The following LTBP3 variants were observed in gnomAD, a reference collection of about 807,000 sequenced individuals.
LTBP3 encodes latent transforming growth factor beta binding protein 3.
In LTBP3, 97 loss-of-function variants were observed where a neutral mutation model predicts 159.7. The ratio of observed to expected loss-of-function variants is 0.61; its 90% CI spans 0.52 to 0.72. The LOEUF (loss-of-function observed/expected upper bound fraction) is 0.72. LTBP3 is among the 30% of genes least tolerant of loss of function. LTBP3 has a pLI of 0.00. For missense variants in LTBP3, 1,584 were observed against 1,864.3 expected (o/e 0.85, Z 2.77); for synonymous variants, 824 against 777.1 (o/e 1.06, Z -1.00).
In LTBP3 at chr11:65,542,976, AGATG is replaced by A. The variant is rs1276688725; in HGVS notation, c.2596+125_2596+128del. On this transcript the variant is annotated intron_variant, in intron 18 of 27. Coordinates refer to ENST00000301873, the MANE Select transcript of LTBP3 (RefSeq NM_001130144.3). ...TGGATGGATGGATGGATGGATGGAT[AGATG>A]GATGGATGGATGGATGAAGGATGGT... 5.5e-4 allele frequency: 521 copies of A among 943,200 alleles called. 2 individuals are homozygous for A. The African/African-American group carries it at 0.014, about 26-fold the overall frequency. The allele number at this position is 943,200 out of a possible 1,614,324, so 58.4% of individuals were successfully genotyped here.
rs983821625 is a variant in LTBP3 at position 65,539,947 on chromosome 11, C to A, written c.3385+66G>T. The A allele has an allele frequency of 3.6e-5, 52 of 1,463,232 alleles. No homozygotes were observed. The African/African-American group carries it at 7.0e-4, about 20-fold the overall frequency. 90.6% of individuals were successfully genotyped at this position (1,463,232 alleles called of 1,614,324 possible). On this transcript the variant is annotated intron_variant, in intron 24 of 27. Transcript: ENST00000301873. ...GGAACCGCCCGCCTCCGCCCCACCC[C>A]ACCTGCGCGGGGGCCACGTGACGGA...
At chr11:65,545,956 CCT>C (rs754418765) in intron 16 of LTBP3, among the ~76,000 whole-genome samples, 25 of 152,226 alleles carry the variant, frequency 1.6e-4, no homozygotes, top group Middle Eastern at 3.4e-3. Flanking sequence ...CCATGCTGTT[CCT>C]CTCCTCCTTT....
At chr11:65,541,557 G>C (rs781255060) in intron 19 of LTBP3, 43 bp downstream of exon 19, 1 of 1,613,642 alleles carries the variant, frequency 6.2e-7, no homozygotes, top group Non-Finnish European at 8.5e-7. Context: ...CTGCAGCTCA[G>C]GGGAGTTGTC....
intron 24 of LTBP3, 64 bp downstream of exon 24, chr11:65,539,949 C>A: frequency 1.4e-6 from 2 of 1,461,866 alleles, no homozygotes; most frequent in South Asian, 1.4e-5. Flanking sequence ...CCCCACCCCA[C>A]CTGCGCGGGG....
intron 1 of LTBP3, among the ~76,000 whole-genome samples, chr11:65,556,287 G>A (rs1565103081): frequency 6.6e-6 from 1 of 152,178 alleles, no homozygotes; most frequent in Non-Finnish European, 1.5e-5. Context: ...CAGCACTTTG[G>A]GAGGCCGAGG....
chr11:65,545,570 G>A, intron 16 of LTBP3: 1 of 230,764 alleles, frequency 4.3e-6, no homozygotes, highest in Non-Finnish European at 8.6e-6. Context: ...TTGACATCCA[G>A]TTAAAAAACC....
Position 65,547,010 on chromosome 11 carries a change from C to T in LTBP3, c.2108-90G>A. The stretch of plus-strand genomic sequence containing the variant: ...TCCACAGCAGGGACTTCCTCCCACA[C>T]AGATCAACGAGGCTCCCGGACCCCA... On this transcript the variant is annotated intron_variant, in intron 14 of 27. Coordinates refer to ENST00000301873, the MANE Select transcript of LTBP3 (RefSeq NM_001130144.3). The surrounding 1 kb of genome is among the most constrained non-coding windows in gnomAD (Gnocchi z 4.6). 6.3e-7 allele frequency: 1 copy of T among 1,575,204 alleles called. No individual in the cohort carries two copies. Among genetic ancestry groups the T allele is most frequent in the Non-Finnish European group, 8.6e-7 (1 of 1,159,212 alleles).
Position 65,546,503 on chromosome 11 carries a change from G to A in LTBP3, c.2292C>T (p.Gly764=). 6.3e-7 allele frequency: 1 copy of A among 1,599,182 alleles called. No homozygotes were observed. Among genetic ancestry groups the A allele is most frequent in the South Asian group, 1.1e-5 (1 of 90,604 alleles). ...CCTGGGCACAGGTGCAGCGGAAGGA[G>A]CCCGGGAGGTTCTCGCACCAGCCAG... ...CSPGWCENLP[G]SFRCTCAQGY... Residue 764 remains glycine (G), a synonymous_variant, in exon 16 of 28, where the codon GGC becomes GGT. Transcript: ENST00000301873. The surrounding 1 kb of genome is among the most constrained non-coding windows in gnomAD (Gnocchi z 4.0).
In LTBP3 at chr11:65,557,854, CCAGCAG is replaced by C. The variant is rs71036212; in HGVS notation, c.100_105del (p.Leu34_Leu35del). The C allele has an allele frequency of 1.5e-4, 202 of 1,319,066 alleles. No homozygotes were observed. Among genetic ancestry groups the C allele is most frequent in the South Asian group, 5.7e-4 (30 of 52,616 alleles). The allele number at this position is 1,319,066 out of a possible 1,614,324, so 81.7% of individuals were successfully genotyped here. On this transcript the variant is annotated inframe_deletion, in exon 1 of 28. Coordinates refer to ENST00000301873, the MANE Select transcript of LTBP3 (RefSeq NM_001130144.3). ...CCCCCCTCGACCCTGCCGCCCAGGC[CCAGCAG>C]CAGCAGCAGCAGCAGCAGCAGCAGC...
At position 65,540,929 on chromosome 11, in the gene LTBP3, G is replaced by C. The variant is rs145041278; in HGVS notation, c.2919C>G (p.Asp973Glu). 9.3e-5 allele frequency: 150 copies of C among 1,613,588 alleles called. No individual in the cohort carries two copies. The highest frequency in any genetic ancestry group is 8.3e-4 in the Middle Eastern group (5 of 6,058). Residue 973 changes from aspartate to glutamate, a missense_variant, in exon 21 of 28, where the codon GAC becomes GAG. Transcript: ENST00000301873. ...SSAEFHSLCP[D>E]GKGYTQDNNI... Reference sequence around the variant, plus strand: ...TGTTGTCCTGGGTGTAGCCCTTTCCGTCTGGGCAGAGGCTGTGGAACTCGG... The same window carrying C: ...TGTTGTCCTGGGTGTAGCCCTTTCCCTCTGGGCAGAGGCTGTGGAACTCGG...
chr11:65,548,150 T>C, intron 11 of LTBP3, 105 bp from the exon 12 acceptor site: 1 of 1,522,226 alleles, frequency 6.6e-7, no homozygotes. Flanking sequence ...CTCAGGTTCC[T>C]GTACGCCCAT....
In LTBP3 at chr11:65,558,137, C is replaced by T; in HGVS notation, c.-178G>A. 1 of 1,080,018 alleles carries T rather than the reference C, an allele frequency of 9.3e-7. No homozygotes were observed. Among genetic ancestry groups the T allele is most frequent in the East Asian group, 5.0e-5 (1 of 20,112 alleles). The allele number at this position is 1,080,018 out of a possible 1,614,324, so 66.9% of individuals were successfully genotyped here. ...CCGGCGGGAGGCGCGGAGATGCAGA[C>T]TGGACAGCGGGGAGCGCAGAAACTT... On this transcript the variant is annotated 5_prime_UTR_variant, in exon 1 of 28. Coordinates refer to ENST00000301873, the MANE Select transcript of LTBP3 (RefSeq NM_001130144.3).
intron 21 of LTBP3, 118 bp from the exon 22 acceptor site, chr11:65,540,732 T>TCC: frequency 6.6e-7 from 1 of 1,515,000 alleles, no homozygotes. Context: ...GGGCGGGGCC[T>TCC]ACAGGGCGGG....
In LTBP3 at chr11:65,546,307, A is replaced by C; in HGVS notation, c.2353+135T>G. ...GTGCCTTCCTTGGCAAAGTTCGTTG[A>C]GAAAATGAGTGAGCAGAGTCACCTG... On this transcript the variant is annotated intron_variant, in intron 16 of 27. Coordinates refer to ENST00000301873, the MANE Select transcript of LTBP3 (RefSeq NM_001130144.3). The surrounding 1 kb of genome is among the most constrained non-coding windows in gnomAD (Gnocchi z 4.0). 8.5e-7 allele frequency: 1 copy of C among 1,173,982 alleles called. No individual in the cohort carries two copies. The highest frequency in any genetic ancestry group is 1.1e-6 in the Non-Finnish European group (1 of 873,700). 72.7% of individuals were successfully genotyped at this position (1,173,982 alleles called of 1,614,324 possible).
rs756994995 is a variant in LTBP3, at chr11:65,540,496, C to T, written c.3096G>A (p.Leu1032=). The T allele has an allele frequency of 7.0e-5, 113 of 1,613,576 alleles. No individual in the cohort carries two copies. Among genetic ancestry groups the T allele is most frequent in the Non-Finnish European group, 9.2e-5 (108 of 1,179,888 alleles). ...GGGGGCGGAGCTCACCCACGCATTC[C>T]AGCAGGTTCCCGTCGTAGTAGAAGC... is the stretch of plus-strand genomic sequence containing the variant. ...KQGFYYDGNL[L]ECVDVDECLD... Residue 1032 remains leucine, a synonymous_variant, in exon 22 of 28, where the codon CTG becomes CTA. Transcript: ENST00000301873.
chr11:65,547,064 C>A lies in LTBP3; in HGVS notation c.2108-144G>T. ...TCTGAGAGGCCCAGAGCCGAGCATA[C>A]AGGCCGGGTGCGGTGGCACACGGCT... On this transcript the variant is annotated intron_variant, in intron 14 of 27. Transcript: ENST00000301873. The surrounding 1 kb of genome is among the most constrained non-coding windows in gnomAD (Gnocchi z 4.6). 8.1e-7 allele frequency: 1 copy of A among 1,236,342 alleles called. No individual in the cohort carries two copies. Among genetic ancestry groups the A allele is most frequent in the Non-Finnish European group, 1.1e-6 (1 of 895,676 alleles). The allele number at this position is 1,236,342 out of a possible 1,614,324, so 76.6% of individuals were successfully genotyped here.
rs776895791 is a variant in LTBP3, at chr11:65,539,787, G to T, written c.3480C>A (p.Asp1160Glu). ...CGCGGCCCTGGCGGCAGCAGCAGTCGTCGAAGGTGAGGGCAGGCCCGGCCA... is the reference window on the plus strand; with the variant it reads ...CGCGGCCCTGGCGGCAGCAGCAGTCTTCGAAGGTGAGGGCAGGCCCGGCCA... The part of the protein sequence containing the change: ...GPLAGPALTF[D>E]DCCCRQGRGW... The change falls in exon 25 of 28, where the codon GAC (aspartate) becomes GAA (glutamate). Residue 1160 changes from aspartate to glutamate, a missense_variant. This residue lies in a region of LTBP3 where 514 missense variants were observed against 530.3 expected (regional missense o/e 0.97). Coordinates refer to ENST00000301873, the MANE Select transcript of LTBP3 (RefSeq NM_001130144.3). 2.6e-6 allele frequency: 4 copies of T among 1,545,196 alleles called. No homozygotes were observed. The highest frequency in any genetic ancestry group is 3.5e-6 in the Non-Finnish European group (4 of 1,152,746).
chr11:65,552,522 G>T lies in LTBP3; in HGVS notation c.1187-116C>A. The T allele has an allele frequency of 7.6e-7, 1 of 1,312,594 alleles. No homozygotes were observed. Among genetic ancestry groups the T allele is most frequent in the Non-Finnish European group, 1.1e-6 (1 of 943,176 alleles). 81.3% of individuals were successfully genotyped at this position (1,312,594 alleles called of 1,614,324 possible). ...CAGACAACCCTTGATCCCCCATGTG[G>T]TCTCTGACCCCATATGACCCTGAAC... On this transcript the variant is annotated intron_variant, in intron 6 of 27. Coordinates refer to ENST00000301873, the MANE Select transcript of LTBP3 (RefSeq NM_001130144.3). The surrounding 1 kb of genome is among the most constrained non-coding windows in gnomAD (Gnocchi z 6.0).
intron 23 of LTBP3, 26 bp from the exon 24 acceptor site, chr11:65,540,179 G>C (rs1426090901): frequency 6.5e-7 from 1 of 1,537,958 alleles, no homozygotes; most frequent in Middle Eastern, 1.7e-4. Context: ...GGGTGGGTGG[G>C]GGCCGTCACA....
Sources: gnomAD v4.1 joint callset for allele counts (sites outside exome capture counted in the v4.1 genomes callset) on GRCh38, gnomAD v4.1.1 for gene constraint, gnomAD v4.1.1 regional missense constraint, Gnocchi (gnomAD v3.1) non-coding constraint, MANE v1.5 for transcripts, NCBI Gene and HGNC (gene_info 2026-07-23, HGNC 2026-07-21) for gene names.